Variants in CHN2 observed in about 807,000 individuals in gnomAD.
CHN2 encodes beta-chimaerin.
A neutral mutation model predicts 56.3 loss-of-function variants in CHN2; 35 were observed. The ratio of observed to expected loss-of-function variants is 0.62; its 90% confidence interval spans 0.47 to 0.82. CHN2 has a LOEUF of 0.82. CHN2 is among the 40% of genes least tolerant of loss of function. The pLI is 0.00. For synonymous variants in CHN2, 210 were observed against 212.8 expected, an observed-to-expected ratio of 0.99 and a Z score of 0.12; for missense variants, 491 against 580.5, an observed-to-expected ratio of 0.85 and a Z score of 1.58.
chr7:29,215,499 A>G (rs1466679166), intron 1 of CHN2, among the ~76,000 whole-genome samples: 1 of 152,172 alleles, frequency 6.6e-6, no homozygotes, highest in African/African-American at 2.4e-5. Context: ...AATGCCAGGA[A>G]AGCATTTTTT....
chr7:29,151,540 A>G (rs1036080935), intron 2 of CHN2, among the ~76,000 whole-genome samples: 4 of 152,264 alleles, frequency 2.6e-5, no homozygotes, highest in Admixed American at 6.5e-5. Context: ...AGAAATAATC[A>G]TAGTGAAACT....
At chr7:29,187,954 T>C (rs1311192855) in intron 2 of CHN2, among the ~76,000 whole-genome samples, 1 of 152,226 alleles carries the variant, frequency 6.6e-6, no homozygotes, top group East Asian at 1.9e-4. Context: ...TTGTCCAAGA[T>C]CACCAAAGTA....
In CHN2 at chr7:29,391,773, G is replaced by A. The variant is rs567632288; in HGVS notation, c.145-1906G>A. Among the ~76,000 whole-genome samples the A allele has an allele frequency of 5.5e-4, 84 of 152,274 alleles. 1 individual carries two copies. The highest frequency in any genetic ancestry group is 1.0e-3 in the Non-Finnish European group (71 of 68,024). On this transcript the variant is annotated intron_variant, in intron 3 of 12. Coordinates refer to ENST00000222792, the MANE Select transcript of CHN2 (RefSeq NM_004067.4). ...TACCTTTCCTCTCTGCACCTGCAAG[G>A]TCATTACTTCATGCACATGGCTGGC...
At chr7:29,486,558 G>T (rs1371750478) in intron 7 of CHN2, among the ~76,000 whole-genome samples, 2 of 152,136 alleles carry the variant, frequency 1.3e-5, no homozygotes, top group East Asian at 3.9e-4. Context: ...GGAGGGATCT[G>T]TCCCAGTTCA....
chr7:29,247,209 C>T (rs760704866), intron 1 of CHN2, among the ~76,000 whole-genome samples: 9 of 152,092 alleles, frequency 5.9e-5, no homozygotes, highest in East Asian at 1.9e-4. Flanking sequence ...GTAGGGAGAG[C>T]GGTTTGGCAT....
intron 1 of CHN2, among the ~76,000 whole-genome samples, chr7:29,345,377 G>T (rs971161838): frequency 7.2e-5 from 11 of 152,280 alleles, no homozygotes; most frequent in Admixed American, 7.2e-4. Context: ...GCTCTACAGA[G>T]AATTGAAGAG....
intron 1 of CHN2, among the ~76,000 whole-genome samples, chr7:29,198,383 G>A (rs540666717): frequency 1.8e-4 from 27 of 152,206 alleles, no homozygotes; most frequent in Admixed American, 4.6e-4. Context: ...AAACTACATC[G>A]CCCAAATGTG....
chr7:29,456,042 A>C (rs1302980066), intron 6 of CHN2, among the ~76,000 whole-genome samples: 2 of 152,178 alleles, frequency 1.3e-5, no homozygotes, highest in African/African-American at 4.8e-5. Flanking sequence ...TAATAACTCT[A>C]TCATAATATT....
At chr7:29,285,166 C>T (rs1362271692) in intron 1 of CHN2, among the ~76,000 whole-genome samples, 2 of 152,200 alleles carry the variant, frequency 1.3e-5, no homozygotes, top group African/African-American at 4.8e-5. Flanking sequence ...TTACATTTCC[C>T]TCTACAACAT....
intron 1 of CHN2, among the ~76,000 whole-genome samples, chr7:29,298,251 G>C (rs1749278648): frequency 6.6e-6 from 1 of 152,182 alleles, no homozygotes; most frequent in South Asian, 2.1e-4. Flanking sequence ...TCATCAGCAG[G>C]AATTAGCCAT....
chr7:29,453,542 G>GC (rs922697371), intron 6 of CHN2, among the ~76,000 whole-genome samples: 43 of 152,046 alleles, frequency 2.8e-4, no homozygotes, highest in Non-Finnish European at 5.6e-4. Flanking sequence ...GAGTTAGGAC[G>GC]CCCCCCCACG....
chr7:29,398,064 G>C (rs1009465408), intron 4 of CHN2: 3,214 of 225,568 alleles, frequency 0.014, 72 homozygotes, highest in Non-Finnish European at 0.018. Flanking sequence ...AAAAAGGGGG[G>C]GGGGGGGCGG....
At chr7:29,355,770 CTATTTTTTTTTT>C (rs1798258709) in intron 2 of CHN2, among the ~76,000 whole-genome samples, 1 of 108,486 alleles carries the variant, frequency 9.2e-6, no homozygotes. Flanking sequence ...ACAGATGGGA[CTATTTTTTTTTT>C]TTTTTTTTTT....
intron 2 of CHN2, among the ~76,000 whole-genome samples, chr7:29,183,096 T>C (rs1042127230): frequency 2.0e-5 from 3 of 151,834 alleles, no homozygotes; most frequent in Admixed American, 6.6e-5. Flanking sequence ...TTTTTTTTTT[T>C]TTTTTGAAAC....
At chr7:29,179,280 C>A (rs1312867182) in intron 2 of CHN2, among the ~76,000 whole-genome samples, 1 of 152,200 alleles carries the variant, frequency 6.6e-6, no homozygotes, top group African/African-American at 2.4e-5. Flanking sequence ...CCTTAAGAAC[C>A]ACCCCATCCC....
At chr7:29,499,778 G>C in intron 8 of CHN2, 89 bp from the exon 9 acceptor site, 2 of 1,216,844 alleles carry the variant, frequency 1.6e-6, no homozygotes, top group Non-Finnish European at 2.3e-6. Flanking sequence ...ACCCTTGGGT[G>C]GTGATATTTT....
At chr7:29,339,373 G>A (rs1305041701) in intron 1 of CHN2, among the ~76,000 whole-genome samples, 3 of 152,024 alleles carry the variant, frequency 2.0e-5, no homozygotes, top group African/African-American at 4.8e-5. Context: ...GCCCTTAGCA[G>A]TCTCTTCCAG....
chr7:29,411,153 G>A (rs1166731491), intron 6 of CHN2, among the ~76,000 whole-genome samples: 1 of 152,140 alleles, frequency 6.6e-6, no homozygotes, highest in East Asian at 1.9e-4. Context: ...TGTGTCATCA[G>A]GAAACAGTTC....
upstream of CHN2, chr7:29,193,137 G>A (rs1783113741): frequency 6.6e-6 from 1 of 152,138 alleles, no homozygotes; most frequent in Non-Finnish European, 1.5e-5. Flanking sequence ...ACAGTTGAGG[G>A]GTAGGAAGAC....
Sources: gnomAD v4.1 joint callset for allele counts (sites outside exome capture counted in the v4.1 genomes callset) on GRCh38, gnomAD v4.1.1 for gene constraint, MANE v1.5 for transcripts, NCBI Gene and HGNC (gene_info 2026-07-23, HGNC 2026-07-21) for gene names.